The following CDH18 variants were observed in gnomAD, a reference collection of about 807,000 sequenced individuals.
CDH18 encodes cadherin 18.
In CDH18, 31 loss-of-function variants were observed where a neutral mutation model predicts 67.9. The observed-to-expected ratio is 0.46, with a 90% CI of 0.34 to 0.62. The LOEUF (loss-of-function observed/expected upper bound fraction) is 0.62, where lower values mean the gene tolerates loss of function less well. Ranked by LOEUF, CDH18 falls within the 20% of genes least tolerant of loss-of-function variation. CDH18 has a pLI of 0.01. For missense variants in CDH18, 890 were observed against 975.5 expected (o/e 0.91, Z 1.17); for synonymous variants, 362 against 347.2 (o/e 1.04, Z -0.48).
chr5:19,963,168 T>C (rs186319553), intron 2 of CDH18, among the ~76,000 whole-genome samples: 1 of 152,224 alleles, frequency 6.6e-6, no homozygotes, highest in East Asian at 1.9e-4. Flanking sequence ...AATCACACAA[T>C]TCCTTACATA....
intron 2 of CDH18, among the ~76,000 whole-genome samples, chr5:20,109,568 C>T (rs1747275458): frequency 6.6e-6 from 1 of 152,168 alleles, no homozygotes; most frequent in Admixed American, 6.5e-5. Flanking sequence ...CTTGCAAATA[C>T]CTGTTCAGCA....
chr5:20,183,967 C>A (rs1310862448), intron 2 of CDH18, among the ~76,000 whole-genome samples: 1 of 151,960 alleles, frequency 6.6e-6, no homozygotes, highest in African/African-American at 2.4e-5. Flanking sequence ...ATGACTTACA[C>A]GAAAATATGT....
chr5:20,009,888 T>C (rs1172133595), intron 2 of CDH18, among the ~76,000 whole-genome samples: 1 of 152,164 alleles, frequency 6.6e-6, no homozygotes, highest in East Asian at 1.9e-4. Context: ...TTTTAAAATA[T>C]AATGAATGTG....
At chr5:19,564,964 G>A (rs1247232857) in intron 8 of CDH18, among the ~76,000 whole-genome samples, 1 of 151,974 alleles carries the variant, frequency 6.6e-6, no homozygotes, top group Non-Finnish European at 1.5e-5. Context: ...CTTGAGAAAA[G>A]AAGAGGGAAG....
chr5:20,293,745 G>T (rs1287797667), intron 1 of CDH18, among the ~76,000 whole-genome samples: 1 of 152,154 alleles, frequency 6.6e-6, no homozygotes, highest in African/African-American at 2.4e-5. Flanking sequence ...CGATGCTTTT[G>T]AAAGTTAATT....
chr5:19,843,303 A>G (rs1457679733), intron 2 of CDH18, among the ~76,000 whole-genome samples: 1 of 152,210 alleles, frequency 6.6e-6, no homozygotes, highest in Non-Finnish European at 1.5e-5. Context: ...AGCCATGGGT[A>G]AAAGAGACCA....
intron 3 of CDH18, among the ~76,000 whole-genome samples, chr5:19,807,366 T>TATA (rs1233762395): frequency 6.6e-6 from 1 of 152,194 alleles, no homozygotes; most frequent in Non-Finnish European, 1.5e-5. Flanking sequence ...AATACAGTGT[T>TATA]ATAATTTTAT....
At chr5:20,384,354 A>C (rs1744144386) in intron 1 of CDH18, among the ~76,000 whole-genome samples, 1 of 152,158 alleles carries the variant, frequency 6.6e-6, no homozygotes, top group African/African-American at 2.4e-5. Context: ...GTTTATCCTG[A>C]GACTGACTTA....
intron 1 of CDH18, among the ~76,000 whole-genome samples, chr5:20,493,474 C>T (rs1195729379): frequency 1.3e-5 from 2 of 149,430 alleles, no homozygotes; most frequent in Admixed American, 6.7e-5. Flanking sequence ...CAAGCACAGG[C>T]TATTTATTCA....
At chr5:19,866,612 A>G (rs1785541578) in intron 2 of CDH18, among the ~76,000 whole-genome samples, 1 of 152,108 alleles carries the variant, frequency 6.6e-6, no homozygotes, top group Non-Finnish European at 1.5e-5. Flanking sequence ...AGAAATCCCT[A>G]TTCTGGGGCA....
At chr5:19,479,759 G>T (rs1203777684) in intron 12 of CDH18, among the ~76,000 whole-genome samples, 1 of 152,060 alleles carries the variant, frequency 6.6e-6, no homozygotes, top group Non-Finnish European at 1.5e-5. Context: ...GGACTGAAAG[G>T]GGAGCTGGCA....
intron 2 of CDH18, among the ~76,000 whole-genome samples, chr5:20,184,386 C>T (rs1409381606): frequency 6.6e-6 from 1 of 152,202 alleles, no homozygotes; most frequent in Middle Eastern, 3.4e-3. Flanking sequence ...TCTTACAATG[C>T]AGCTCTGAAA....
intron 1 of CDH18, among the ~76,000 whole-genome samples, chr5:19,983,367 T>C (rs928180260): frequency 6.6e-6 from 1 of 152,116 alleles, no homozygotes; most frequent in Non-Finnish European, 1.5e-5. Context: ...CATCTAAACA[T>C]AAAATGAAAC....
At chr5:20,076,659 C>T (rs532460295) in intron 2 of CDH18, among the ~76,000 whole-genome samples, 3 of 152,028 alleles carry the variant, frequency 2.0e-5, no homozygotes, top group Admixed American at 6.5e-5. Flanking sequence ...TTCTCAACTA[C>T]GGGCATGAGT....
chr5:19,713,166 AAAG>A (rs1257972452), intron 5 of CDH18, among the ~76,000 whole-genome samples: 18 of 152,162 alleles, frequency 1.2e-4, no homozygotes, highest in Non-Finnish European at 1.8e-4. Flanking sequence ...GTCACAAAAA[AAAG>A]AAGATTAAGT....
At chr5:19,566,655 A>G (rs1327876660) in intron 8 of CDH18, among the ~76,000 whole-genome samples, 1 of 152,116 alleles carries the variant, frequency 6.6e-6, no homozygotes. Flanking sequence ...CGATTCAATT[A>G]TCTCCCACCA....
At chr5:20,107,131 A>G (rs1747017126) in intron 2 of CDH18, among the ~76,000 whole-genome samples, 1 of 146,676 alleles carries the variant, frequency 6.8e-6, no homozygotes, top group Non-Finnish European at 1.5e-5. Flanking sequence ...CCCAGGCTGG[A>G]GTGCAGTGGC....
chr5:20,267,422 T>G (rs914091353), intron 1 of CDH18, among the ~76,000 whole-genome samples: 1 of 152,318 alleles, frequency 6.6e-6, no homozygotes, highest in East Asian at 1.9e-4. Context: ...TTGGGCTAAT[T>G]TTTTTATTCC....
intron 1 of CDH18, among the ~76,000 whole-genome samples, chr5:20,563,033 T>A (rs1045741803): frequency 6.6e-6 from 1 of 151,544 alleles, no homozygotes; most frequent in African/African-American, 2.4e-5. Flanking sequence ...ATCTAGATCA[T>A]TTTTTTCCAT....
Sources: gnomAD v4.1 joint callset for allele counts (sites outside exome capture counted in the v4.1 genomes callset) on GRCh38, gnomAD v4.1.1 for gene constraint, MANE v1.5 for transcripts, NCBI Gene and HGNC (gene_info 2026-07-23, HGNC 2026-07-21) for gene names.